PAPLN: variants seen among roughly 807,000 people sequenced by gnomAD.
PAPLN encodes papilin, proteoglycan like sulfated glycoprotein.
Under a neutral mutation model 159.0 loss-of-function variants are expected in PAPLN, and 146 were observed. The observed-to-expected ratio is 0.92, with a 90% CI of 0.80 to 1.05. PAPLN has a LOEUF of 1.05. PAPLN is among the 50% of genes least tolerant of loss of function. PAPLN has a pLI of 0.00. For synonymous variants in PAPLN, 734 were observed against 702.9 expected (o/e 1.04, Z -0.70); for missense variants, 1,720 against 1,743.9 (o/e 0.99, Z 0.24).
chr14:73,255,043 G>A, intron 14 of PAPLN, 25 bp downstream of exon 14: 1 of 1,601,156 alleles, frequency 6.2e-7, no homozygotes, highest in Non-Finnish European at 8.5e-7. Context: ...GCAGGGAGGA[G>A]TCCGGCCTCT....
intron 1 of PAPLN, among the ~76,000 whole-genome samples, chr14:73,239,251 C>G (rs542398401): frequency 3.3e-4 from 50 of 152,240 alleles, no homozygotes; most frequent in Non-Finnish European, 6.5e-4. Context: ...ATGGAGGCTG[C>G]TTATGGAGCT....
Position 73,251,013 on chromosome 14 carries a change from C to G in PAPLN, c.572C>G (p.Ala191Gly). The change falls in exon 7 of 27, where the codon GCT (alanine) becomes GGT (glycine). Residue 191 changes from alanine (A) to glycine (G), a missense_variant. Transcript: ENST00000644200. Reference sequence around the variant, plus strand: ...TACCCCGTCGCAGGCACCTTTGACGCTAATGACCTCAGCCGAGGTGGGGGT... The same window carrying G: ...TACCCCGTCGCAGGCACCTTTGACGGTAATGACCTCAGCCGAGGTGGGGGT... Reference protein sequence around the residue: ...TCYPVAGTFDANDLSRGYNQI... With the variant: ...TCYPVAGTFDGNDLSRGYNQI... The G allele has an allele frequency of 6.2e-7, 1 of 1,612,692 alleles. No homozygotes were observed. Among genetic ancestry groups the G allele is most frequent in the Non-Finnish European group, 8.5e-7 (1 of 1,179,384 alleles).
intron 6 of PAPLN, 45 bp from the exon 7 acceptor site, chr14:73,250,862 T>C: frequency 6.4e-7 from 1 of 1,561,634 alleles, no homozygotes; most frequent in Non-Finnish European, 8.7e-7. Context: ...AGGCCTGATG[T>C]GGCCATGATG....
At chr14:73,268,884 C>T (rs180864033) in intron 26 of PAPLN, among the ~76,000 whole-genome samples, 161 bp downstream of exon 26, 4 of 152,272 alleles carry the variant, frequency 2.6e-5, no homozygotes, top group Admixed American at 2.6e-4. Flanking sequence ...CCTTCCTGAG[C>T]CTCATTTTCC....
Position 73,245,760 on chromosome 14 carries a change from A to C in PAPLN, c.231+64A>C, listed in dbSNP as rs1884176594. The C allele has an allele frequency of 3.3e-6, 5 of 1,520,584 alleles. No individual in the cohort carries two copies. In the Admixed American group the frequency reaches 9.9e-5, roughly 30 times the overall value. 94.2% of individuals were successfully genotyped at this position (1,520,584 alleles called of 1,614,324 possible). A position where few individuals can be genotyped will look rare whatever the true frequency, so the allele number is the denominator to read the frequency against. On this transcript the variant is annotated intron_variant, in intron 4 of 26. Transcript: ENST00000644200. This position sits in a 1 kb window ranked among gnomAD's most constrained non-coding sequence, Gnocchi z 4.2. ...CCAGCCCCTCCTGGCCGATTTCCCCATTGGGATGCCCGCTCCTGGCCGCGG... is the reference window on the plus strand; with the variant it reads ...CCAGCCCCTCCTGGCCGATTTCCCCCTTGGGATGCCCGCTCCTGGCCGCGG...
rs71112722 is a variant in PAPLN, at chr14:73,248,075, CTGTGTGTGTG to C, written c.335-1886_335-1877del. ...TGGCCCAGTGGGAGTCTCATATCCT[CTGTGTGTGTG>C]TGTGTGTGTGTGTGTGTGTGTGCGC... On this transcript the variant is annotated intron_variant, in intron 5 of 26. Transcript: ENST00000644200. Among the ~76,000 whole-genome samples the C allele has an allele frequency of 1.8e-3, 84 of 45,598 alleles. 1 individual carries two copies. Among genetic ancestry groups the C allele is most frequent in the African/African-American group, 8.0e-3 (51 of 6,394 alleles). 29.9% of individuals were successfully genotyped at this position (45,598 alleles called of 152,430 possible). A position where few individuals can be genotyped will look rare whatever the true frequency, so the allele number is the denominator to read the frequency against.
In PAPLN at chr14:73,237,592, G is replaced by C. The variant is rs1467403894; in HGVS notation, c.-7G>C. ...CAGCCTCCCGGCGCCAGCGAAGACA[G>C]GTAGGGAGGCGGAGGGACTGGAAGC... On this transcript the variant is annotated splice_region_variant and 5_prime_UTR_variant, in exon 1 of 27. Coordinates refer to ENST00000644200, the MANE Select transcript of PAPLN (RefSeq NM_001365906.3). 1 of 152,260 alleles carries C rather than the reference G, an allele frequency of 6.6e-6. No homozygotes were observed. The highest frequency in any genetic ancestry group is 2.4e-5 in the African/African-American group (1 of 41,470). The allele number at this position is 152,260 out of a possible 1,614,324, so 9.4% of individuals were successfully genotyped here.
At chr14:73,253,276 C>A in intron 11 of PAPLN, 1 of 1,345,496 alleles carries the variant, frequency 7.4e-7, no homozygotes, top group South Asian at 1.1e-5. Context: ...ACCCTGTCAC[C>A]GCTTGGCCTT....
Position 73,265,358 on chromosome 14 carries a change from C to G in PAPLN, c.3126-12C>G, listed in dbSNP as rs573004028. 1.2e-6 allele frequency: 2 copies of G among 1,606,928 alleles called. No individual in the cohort carries two copies. The highest frequency in any genetic ancestry group is 2.7e-5 in the African/African-American group (2 of 75,056). ...CAAGGGCCCCTCATGCTGTGGGCTG[C>G]TTGTTTGGCAGGCTGCGTTTGGACC... On this transcript the variant is annotated splice_polypyrimidine_tract_variant and intron_variant, in intron 22 of 26. Transcript: ENST00000644200. This position sits in a 1 kb window ranked among gnomAD's most constrained non-coding sequence, Gnocchi z 4.1.
chr14:73,238,278 C>T (rs1197209237), intron 1 of PAPLN, among the ~76,000 whole-genome samples: 1 of 152,236 alleles, frequency 6.6e-6, no homozygotes, highest in Non-Finnish European at 1.5e-5. Flanking sequence ...AGACGCGTTC[C>T]CCGGGAACAA....
rs770194196 is a variant in PAPLN, at chr14:73,263,762, C to A, written c.2841C>A (p.Gly947=). 6.2e-7 allele frequency: 1 copy of A among 1,605,106 alleles called. No individual in the cohort carries two copies. The highest frequency in any genetic ancestry group is 8.5e-7 in the Non-Finnish European group (1 of 1,179,770). ...CCCAGGCTGCCTGGCAGAAAGATGG[C>A]CAGCCCATCTCCTCTGACAGGTGGG... The part of the protein sequence containing the change: ...PESQAAWQKD[G]QPISSDRHRL... Residue 947 remains glycine (G), a synonymous_variant, in exon 20 of 27, where the codon GGC becomes GGA. Transcript: ENST00000644200.
chr14:73,264,118 G>T (rs1886946317), intron 20 of PAPLN, 93 bp from the exon 21 acceptor site: 1 of 1,596,860 alleles, frequency 6.3e-7, no homozygotes, highest in Non-Finnish European at 8.5e-7. Context: ...TGTAGACTCT[G>T]GTCCCCTCTG....
At position 73,264,289 on chromosome 14, in the gene PAPLN, C is replaced by T. The variant is rs768199704; in HGVS notation, c.2940C>T (p.Ser980=). The T allele has an allele frequency of 1.2e-6, 2 of 1,613,940 alleles. No homozygotes were observed. The highest frequency in any genetic ancestry group is 1.7e-6 in the Non-Finnish European group (2 of 1,180,016). ...ACGCGGGCACCTACAGCTGTGGCAG[C>T]ACCCGGCCAGGCCGCGACTCCCAGA... ...AEDAGTYSCG[S]TRPGRDSQKI... is the part of the protein sequence containing the mutation. The change falls in exon 21 of 27, where the codon AGC becomes AGT. Residue 980 remains serine, a synonymous_variant. Coordinates refer to ENST00000644200, the MANE Select transcript of PAPLN (RefSeq NM_001365906.3).
chr14:73,268,767 T>G (rs1455721885), intron 26 of PAPLN, 44 bp downstream of exon 26: 1 of 1,540,240 alleles, frequency 6.5e-7, no homozygotes, highest in Non-Finnish European at 8.8e-7. Context: ...CATTCCCCAG[T>G]AGATTTACTG....
chr14:73,251,056 G>T (rs45515095), intron 7 of PAPLN, 26 bp downstream of exon 7: 172 of 1,598,494 alleles, frequency 1.1e-4, no homozygotes, highest in Non-Finnish European at 1.3e-4. Context: ...ACAAGGGGCA[G>T]TTGCCTGCCC....
intron 14 of PAPLN, 145 bp from the exon 15 acceptor site, chr14:73,258,834 C>A: frequency 3.2e-6 from 2 of 634,410 alleles, no homozygotes; most frequent in Non-Finnish European, 4.9e-6. Context: ...CTGGGTCATG[C>A]TCCTTTTCCC....
chr14:73,250,875 G>A (rs545177108), intron 6 of PAPLN, 32 bp from the exon 7 acceptor site: 21 of 1,582,974 alleles, frequency 1.3e-5, no homozygotes, highest in Middle Eastern at 3.4e-4. Flanking sequence ...CCATGATGCC[G>A]TCTCCCCTGC....
At chr14:73,246,888 A>AT (rs1884451209) in intron 5 of PAPLN, 1 of 151,920 alleles carries the variant, frequency 6.6e-6, no homozygotes, top group African/African-American at 2.4e-5. Context: ...CATTTGTCAA[A>AT]TACCCCATCG....
Position 73,265,322 on chromosome 14 carries a change from G to C in PAPLN, c.3126-48G>C. 6.3e-7 allele frequency: 1 copy of C among 1,588,666 alleles called. No individual in the cohort carries two copies. Among genetic ancestry groups the C allele is most frequent in the Non-Finnish European group, 8.5e-7 (1 of 1,171,294 alleles). ...TGCAGAGGTGCCCATGGGAGTAGGC[G>C]GGGGCAACGGCAAGGGCCCCTCATG... On this transcript the variant is annotated intron_variant, in intron 22 of 26. Transcript: ENST00000644200. This position sits in a 1 kb window ranked among gnomAD's most constrained non-coding sequence, Gnocchi z 4.1.
Sources: gnomAD v4.1 joint callset for allele counts (sites outside exome capture counted in the v4.1 genomes callset) on GRCh38, gnomAD v4.1.1 for gene constraint, Gnocchi (gnomAD v3.1) non-coding constraint, MANE v1.5 for transcripts, NCBI Gene and HGNC (gene_info 2026-07-23, HGNC 2026-07-21) for gene names.